The following CCDC171 variants were observed in gnomAD, a reference collection of about 807,000 sequenced individuals.
The protein encoded by CCDC171 is coiled-coil domain containing 171.
CCDC171 carries 177 observed loss-of-function variants against 168.2 expected under a neutral mutation model. The observed-to-expected ratio is 1.05, with a 90% CI of 0.93 to 1.19. CCDC171 has a LOEUF of 1.19. CCDC171 is among the 50% of genes most tolerant of loss of function. The probability of loss-of-function intolerance (pLI) is 0.00; values close to 1 mark genes in which losing one functional copy is unlikely to be tolerated. For synonymous variants in CCDC171, 687 were observed against 540.8 expected (o/e 1.27, Z -3.75); for missense variants, 1,991 against 1,539.0 (o/e 1.29, Z -4.91).
chr9:15,765,448 A>G (rs1243897473), intron 18 of CCDC171, among the ~76,000 whole-genome samples: 2 of 152,208 alleles, frequency 1.3e-5, no homozygotes, highest in African/African-American at 4.8e-5. Context: ...GATCCAATGC[A>G]CAGAAGTGGG....
intron 23 of CCDC171, among the ~76,000 whole-genome samples, chr9:15,865,817 C>A (rs2061755466): frequency 6.7e-6 from 1 of 149,894 alleles, no homozygotes; most frequent in Non-Finnish European, 1.5e-5. Context: ...GCATCCCTAA[C>A]CCACATGTTG....
upstream of CCDC171, among the ~76,000 whole-genome samples, chr9:16,041,618 G>A (rs1313525182): frequency 4.6e-5 from 7 of 152,270 alleles, no homozygotes; most frequent in Middle Eastern, 3.4e-3. Context: ...CTACCTTAGT[G>A]AATATCACTT....
At chr9:15,865,849 C>CGTGTGTGTGT (rs71325944) in intron 23 of CCDC171, among the ~76,000 whole-genome samples, 101 of 147,568 alleles carry the variant, frequency 6.8e-4, no homozygotes, top group African/African-American at 2.3e-3. Flanking sequence ...ACTCTGCGTG[C>CGTGTGTGTGT]GTGTGTGTGT....
intron 23 of CCDC171, among the ~76,000 whole-genome samples, chr9:15,864,586 T>A (rs2061695147): frequency 6.7e-6 from 1 of 149,472 alleles, no homozygotes; most frequent in Non-Finnish European, 1.5e-5. Flanking sequence ...CTTGCGATAG[T>A]TTAATTAGAG....
chr9:15,592,290 A>G (rs904831160), intron 5 of CCDC171, among the ~76,000 whole-genome samples: 1 of 151,904 alleles, frequency 6.6e-6, no homozygotes, highest in East Asian at 1.9e-4. Flanking sequence ...GATTGGGCCT[A>G]TGAATAGCCA....
intron 11 of CCDC171, among the ~76,000 whole-genome samples, chr9:15,700,293 C>T (rs2051611644): frequency 6.6e-6 from 1 of 152,242 alleles, no homozygotes; most frequent in East Asian, 1.9e-4. Flanking sequence ...GGTGCTAAGC[C>T]CCTCATTGCC....
chr9:15,692,209 C>G (rs1336822909), intron 10 of CCDC171, among the ~76,000 whole-genome samples: 2 of 152,116 alleles, frequency 1.3e-5, no homozygotes, highest in African/African-American at 4.8e-5. Flanking sequence ...AACCCTGTCT[C>G]TACCAAAAAC....
At chr9:16,039,732 A>G (rs1299638680), upstream of CCDC171, among the ~76,000 whole-genome samples, 1 of 151,936 alleles carries the variant, frequency 6.6e-6, no homozygotes, top group Non-Finnish European at 1.5e-5. Flanking sequence ...TGCACACATT[A>G]CTCCTACTCA....
At chr9:15,684,425 G>A (rs372692135) in intron 10 of CCDC171, among the ~76,000 whole-genome samples, 23 of 151,340 alleles carry the variant, frequency 1.5e-4, no homozygotes, top group African/African-American at 5.1e-4. Flanking sequence ...GGCCTTCATG[G>A]TTTTTATTGT....
At chr9:15,889,733 C>G (rs909441170) in intron 24 of CCDC171, among the ~76,000 whole-genome samples, 1 of 152,184 alleles carries the variant, frequency 6.6e-6, no homozygotes. Context: ...TGACACATAA[C>G]TTACTTATCT....
chr9:16,059,632 A>G (rs1187960760), intron 1 of CCDC171, among the ~76,000 whole-genome samples: 1 of 146,636 alleles, frequency 6.8e-6, no homozygotes, highest in Non-Finnish European at 1.5e-5. Flanking sequence ...CTCCTGCCTC[A>G]GCCTCCCGAG....
chr9:16,006,183 C>G (rs1474633101), intron 3 of CCDC171, among the ~76,000 whole-genome samples: 1 of 152,090 alleles, frequency 6.6e-6, no homozygotes, highest in African/African-American at 2.4e-5. Context: ...AGACTGTTTG[C>G]AAAAGTAACT....
At chr9:15,718,686 G>T (rs180875818) in intron 11 of CCDC171, among the ~76,000 whole-genome samples, 2 of 152,330 alleles carry the variant, frequency 1.3e-5, no homozygotes, top group Admixed American at 1.3e-4. Flanking sequence ...GTAATCTAGA[G>T]AATTCCTCTG....
chr9:15,700,205 C>T (rs571992652), intron 11 of CCDC171, among the ~76,000 whole-genome samples: 7 of 152,338 alleles, frequency 4.6e-5, no homozygotes, highest in Admixed American at 3.9e-4. Flanking sequence ...CAGCTAAGGC[C>T]CGGTGAGAAA....
chr9:15,900,704 C>T (rs2131625437), intron 24 of CCDC171, among the ~76,000 whole-genome samples: 1 of 152,240 alleles, frequency 6.6e-6, no homozygotes, highest in Admixed American at 6.5e-5. Context: ...ATTATTGGAG[C>T]TTACATCTGG....
chr9:15,828,109 CA>C (rs1177623570), intron 21 of CCDC171, among the ~76,000 whole-genome samples: 8 of 152,052 alleles, frequency 5.3e-5, no homozygotes, highest in East Asian at 1.9e-4. Context: ...AGAGATAGGG[CA>C]GGGGAATCAG....
chr9:15,566,045 T>C (rs1323684130), intron 2 of CCDC171, among the ~76,000 whole-genome samples: 6 of 152,216 alleles, frequency 3.9e-5, no homozygotes, highest in Non-Finnish European at 7.3e-5. Flanking sequence ...ATTTAGCCAT[T>C]TTGGTGAGTG....
Position 15,745,558 on chromosome 9 carries a change from G to A in CCDC171, c.2598G>A (p.Trp866Ter). The change falls in exon 18 of 26, where the codon TGG (tryptophan) becomes TGA (stop). Residue 866 changes from tryptophan (W) to a stop codon, truncating the protein, a stop_gained. Transcript: ENST00000380701. LOFTEE classifies it high-confidence loss of function. ...EQLRCLQALSWLTSSDLLAAI... is the reference protein window; with the variant it reads ...EQLRCLQALS Reference sequence around the variant, plus strand: ...TGCGTTGTTTACAAGCGCTCAGTTGGCTCACCAGTTCTGACCTTCTTGCTG... The same window carrying A: ...TGCGTTGTTTACAAGCGCTCAGTTGACTCACCAGTTCTGACCTTCTTGCTG... The A allele has an allele frequency of 6.3e-7, 1 of 1,588,750 alleles. No individual in the cohort carries two copies. The highest frequency in any genetic ancestry group is 1.8e-5 in the Admixed American group (1 of 55,194).
At chr9:16,081,492 C>A in the CCDC171 span, among the ~76,000 whole-genome samples, 34 of 152,166 alleles carry the variant, frequency 2.2e-4, 1 homozygote, top group Admixed American at 3.9e-4. Flanking sequence ...TGAACATGAA[C>A]AAGAAAAAAT....
Sources: gnomAD v4.1 joint callset for allele counts (sites outside exome capture counted in the v4.1 genomes callset) on GRCh38, gnomAD v4.1.1 for gene constraint, MANE v1.5 for transcripts, NCBI Gene and HGNC (gene_info 2026-07-23, HGNC 2026-07-21) for gene names.